The following CPT1A variants were observed in gnomAD, a reference collection of about 807,000 sequenced individuals.
CPT1A encodes the protein carnitine O-palmitoyltransferase 1, liver isoform.
A neutral mutation model predicts 100.8 loss-of-function variants in CPT1A; 64 were observed. That is an observed-to-expected ratio of 0.63 (90% confidence interval 0.52 to 0.78). CPT1A has a LOEUF of 0.78. Ranked by LOEUF, CPT1A falls within the 30% of genes least tolerant of loss-of-function variation. CPT1A has a pLI of 0.00. For synonymous variants in CPT1A, 363 were observed against 396.0 expected, an observed-to-expected ratio of 0.92 and a Z score of 0.99; for missense variants, 802 against 1,034.1, an observed-to-expected ratio of 0.78 and a Z score of 3.08.
At chr11:68,768,091 T>TTTTTTC (rs1439626814) in intron 14 of CPT1A, among the ~76,000 whole-genome samples, 3 of 142,796 alleles carry the variant, frequency 2.1e-5, no homozygotes, top group African/African-American at 8.0e-5. Context: ...TTTTTTTTTT[T>TTTTTTC]TTGAGAGGGA....
chr11:68,808,936 T>C (rs1233949056), intron 3 of CPT1A, among the ~76,000 whole-genome samples: 1 of 142,308 alleles, frequency 7.0e-6, no homozygotes, highest in Non-Finnish European at 1.5e-5. Context: ...CAAAACCCCA[T>C]CAATACAAAA....
intron 6 of CPT1A, among the ~76,000 whole-genome samples, chr11:68,798,855 C>T (rs913718661): frequency 6.6e-6 from 1 of 152,208 alleles, no homozygotes; most frequent in Admixed American, 6.5e-5. Flanking sequence ...GGTGTACCTG[C>T]ACTCAGGGTA....
At chr11:68,790,452 G>A (rs1016402257) in intron 9 of CPT1A, among the ~76,000 whole-genome samples, 1 of 151,978 alleles carries the variant, frequency 6.6e-6, no homozygotes, top group African/African-American at 2.4e-5. Context: ...TCCAATGACT[G>A]TTGTCCTTGT....
At chr11:68,760,480 G>C in intron 16 of CPT1A, 142 bp from the exon 17 acceptor site, 1 of 783,006 alleles carries the variant, frequency 1.3e-6, no homozygotes, top group Non-Finnish European at 2.2e-6. Context: ...GGCCTCACTG[G>C]CTTGGGCAGC....
chr11:68,762,592 A>G lies in CPT1A; in HGVS notation c.1875+35T>C, dbSNP rs1383640208. The G allele has an allele frequency of 2.5e-6, 4 of 1,611,476 alleles. No homozygotes were observed. The African/African-American group carries it at 4.0e-5, about 16-fold the overall frequency. ...CAGAAGCCTTTTAGGGAAGTGTGAC[A>G]AGCACGTTGTGTCCTCAGCCTGATG... On this transcript the variant is annotated intron_variant, in intron 15 of 18. Transcript: ENST00000265641.
chr11:68,761,450 T>C (rs1238414154), intron 16 of CPT1A, 85 bp downstream of exon 16: 1 of 1,489,756 alleles, frequency 6.7e-7, no homozygotes, highest in Non-Finnish European at 9.3e-7. Context: ...ATTCTGACAT[T>C]AAAATATGTT....
chr11:68,782,972 G>C (rs1417162592), intron 10 of CPT1A, among the ~76,000 whole-genome samples: 1 of 152,176 alleles, frequency 6.6e-6, no homozygotes, highest in South Asian at 2.1e-4. Flanking sequence ...CCGCGGCGCC[G>C]GCTCAGGCTC....
At chr11:68,787,003 G>C (rs1855481180) in intron 9 of CPT1A, among the ~76,000 whole-genome samples, 1 of 152,174 alleles carries the variant, frequency 6.6e-6, no homozygotes, top group Admixed American at 6.6e-5. Context: ...ATTACACTCA[G>C]GATGCTGGCC....
intron 3 of CPT1A, among the ~76,000 whole-genome samples, chr11:68,810,487 G>A (rs568046530): frequency 3.9e-5 from 6 of 152,166 alleles, no homozygotes; most frequent in Non-Finnish European, 5.9e-5. Context: ...CTGAGCCAGC[G>A]TTCCTGAGCT....
intron 1 of CPT1A, among the ~76,000 whole-genome samples, chr11:68,817,153 C>CTGTG (rs148396344): frequency 1.1e-5 from 1 of 93,478 alleles, no homozygotes; most frequent in Admixed American, 1.1e-4. Context: ...GTGTGTGTGT[C>CTGTG]TGTGTGTGTG....
rs1857075165 is a variant in CPT1A, at chr11:68,838,578, A to AAAAACAAAAC, written c.-14+3196_-14+3197insGTTTTGTTTT. 3.5e-5 allele frequency among the ~76,000 whole-genome samples: 5 copies of AAAAACAAAAC among 144,370 alleles called. 1 individual carries two copies. The highest frequency in any genetic ancestry group is 4.6e-5 in the Non-Finnish European group (3 of 65,932). 94.7% of individuals were successfully genotyped at this position (144,370 alleles called of 152,430 possible). On this transcript the variant is annotated intron_variant, in intron 1 of 18. Transcript: ENST00000265641. Reference sequence around the variant, plus strand: ...CTCTGTATCTGCACCTTTTTAAAAAAAAAAAAAAAAAAACAGAGACAGGGT... The same window carrying AAAAACAAAAC: ...CTCTGTATCTGCACCTTTTTAAAAAAAAAACAAAACAAAAAAAAAAAAACAGAGACAGGGT...
chr11:68,765,424 C>T (rs1246110727), intron 14 of CPT1A, among the ~76,000 whole-genome samples: 2 of 152,192 alleles, frequency 1.3e-5, no homozygotes, highest in African/African-American at 4.8e-5. Flanking sequence ...GTTACAACTG[C>T]AGCACCCTTG....
chr11:68,810,545 G>A (rs1197102242), intron 3 of CPT1A, among the ~76,000 whole-genome samples: 1 of 152,206 alleles, frequency 6.6e-6, no homozygotes, highest in Non-Finnish European at 1.5e-5. Context: ...GACTCTGGAG[G>A]GTCCAGGGGC....
intron 1 of CPT1A, among the ~76,000 whole-genome samples, chr11:68,817,009 TG>T (rs138124996): frequency 1.5e-5 from 1 of 67,142 alleles, no homozygotes; most frequent in African/African-American, 6.3e-5. Context: ...GTGGTATGTG[TG>T]GGGGGTGGGT....
intron 7 of CPT1A, 37 bp from the exon 8 acceptor site, chr11:68,794,948 GA>G: frequency 6.6e-7 from 1 of 1,509,252 alleles, no homozygotes. Context: ...TTTGCATAGG[GA>G]AAGATAAGCA....
intron 1 of CPT1A, among the ~76,000 whole-genome samples, chr11:68,830,386 C>T (rs538342149): frequency 2.0e-5 from 3 of 152,302 alleles, no homozygotes; most frequent in South Asian, 2.1e-4. Flanking sequence ...CCGGAGCACA[C>T]GGGGTGCCCA....
In CPT1A at chr11:68,763,904, A is replaced by G. The variant is rs527317585; in HGVS notation, c.1741-1143T>C. On this transcript the variant is annotated intron_variant, in intron 14 of 18. Coordinates refer to ENST00000265641, the MANE Select transcript of CPT1A (RefSeq NM_001876.4). ...GGGAGCCTCTGCAGGCTCCCCAGGT[A>G]AGTTCAGGGGGACCAGGGAGTCAAG... 8.5e-5 allele frequency among the ~76,000 whole-genome samples: 13 copies of G among 152,214 alleles called. No individual in the cohort carries two copies. In the East Asian group the frequency reaches 2.5e-3, roughly 29 times the overall value.
At chr11:68,796,961 C>G (rs775913833) in intron 6 of CPT1A, 28 bp from the exon 7 acceptor site, 1 of 1,611,916 alleles carries the variant, frequency 6.2e-7, no homozygotes, top group Non-Finnish European at 8.5e-7. Flanking sequence ...CAGACAAACC[C>G]GCAGGCTCAG....
chr11:68,807,752 G>T, intron 3 of CPT1A, 114 bp from the exon 4 acceptor site: 1 of 1,009,222 alleles, frequency 9.9e-7, no homozygotes, highest in South Asian at 1.4e-5. Flanking sequence ...CCTGCCCCAG[G>T]TACAGCCGGG....
Sources: gnomAD v4.1 joint callset for allele counts (sites outside exome capture counted in the v4.1 genomes callset) on GRCh38, gnomAD v4.1.1 for gene constraint, MANE v1.5 for transcripts, NCBI Gene and HGNC (gene_info 2026-07-23, HGNC 2026-07-21) for gene names.